Variants in VRK2 observed in about 807,000 individuals in gnomAD.
The protein encoded by VRK2 is serine/threonine-protein kinase VRK2.
VRK2 carries 60 observed loss-of-function variants against 57.6 expected under a neutral mutation model. The ratio of observed to expected loss-of-function variants is 1.04; its 90% CI spans 0.85 to 1.29. VRK2 has a LOEUF of 1.29. Ranked by LOEUF, VRK2 falls within the 50% of genes most tolerant of loss-of-function variation. The probability of loss-of-function intolerance (pLI) is 0.00; values close to 1 mark genes in which losing one functional copy is unlikely to be tolerated. For synonymous variants in VRK2, 231 were observed against 199.2 expected (o/e 1.16, Z -1.35); for missense variants, 705 against 588.1 (o/e 1.20, Z -2.06).
Position 58,137,182 on chromosome 2 carries a change from C to CATATATATCATATATCATGTATCAT in VRK2, c.856+1989_856+1990insATCATATATCATGTATCATATATAT. Among the ~76,000 whole-genome samples the CATATATATCATATATCATGTATCAT allele has an allele frequency of 1.1e-4, 4 of 35,108 alleles. 1 individual carries two copies. Among genetic ancestry groups the CATATATATCATATATCATGTATCAT allele is most frequent in the African/African-American group, 6.4e-4 (4 of 6,286 alleles). The allele number at this position is 35,108 out of a possible 152,430, so 23.0% of individuals were successfully genotyped here. ...TATATATATCATATATCATATATAT[C>CATATATATCATATATCATGTATCAT]ATATATGATACATATATATCTCATA... On this transcript the variant is annotated intron_variant, in intron 10 of 12. Coordinates refer to ENST00000340157, the MANE Select transcript of VRK2 (RefSeq NM_006296.7).
chr2:58,084,910 A>C lies in VRK2; in HGVS notation c.216A>C (p.Ser72=). ...VEYQENGPLF[S]ELKFYQRVAK... ...ATCAAGAAAATGGCCCGTTATTTTC[A>C]GAACTTAAATTTTATCAGAGAGTTG... Residue 72 remains serine, a synonymous_variant, in exon 4 of 13, where the codon TCA becomes TCC. Transcript: ENST00000340157. 6.3e-7 allele frequency: 1 copy of C among 1,588,464 alleles called. No individual in the cohort carries two copies. Among genetic ancestry groups the C allele is most frequent in the Non-Finnish European group, 8.6e-7 (1 of 1,168,906 alleles).
chr2:58,019,170 C>T (rs1673672334), intron 1 of VRK2, among the ~76,000 whole-genome samples: 1 of 152,192 alleles, frequency 6.6e-6, no homozygotes, highest in Non-Finnish European at 1.5e-5. Context: ...GTGGAATTAA[C>T]TGCTGAATAA....
chr2:57,975,852 A>T (rs1672236404), intron 1 of VRK2, among the ~76,000 whole-genome samples: 1 of 151,798 alleles, frequency 6.6e-6, no homozygotes, highest in Non-Finnish European at 1.5e-5. Flanking sequence ...TGATATGCAA[A>T]TGATTTCTTC....
intron 1 of VRK2, among the ~76,000 whole-genome samples, chr2:57,980,499 T>A (rs1159359503): frequency 1.3e-5 from 2 of 152,126 alleles, no homozygotes; most frequent in Non-Finnish European, 2.9e-5. Context: ...GATGAAAAAA[T>A]ATATATAAAT....
intron 7 of VRK2, among the ~76,000 whole-genome samples, chr2:58,091,389 C>T (rs969463168): frequency 3.3e-5 from 5 of 151,948 alleles, no homozygotes; most frequent in Admixed American, 3.3e-4. Flanking sequence ...CCTAAAACTT[C>T]TCTAAAAAAT....
At chr2:58,038,619 T>C (rs1225945980) in intron 3 of VRK2, among the ~76,000 whole-genome samples, 1 of 152,130 alleles carries the variant, frequency 6.6e-6, no homozygotes, top group African/African-American at 2.4e-5. Context: ...CAGTCTCTGT[T>C]CCATAGTTTA....
At chr2:58,041,218 C>G (rs183716172) in intron 3 of VRK2, 88 of 258,768 alleles carry the variant, frequency 3.4e-4, no homozygotes, top group African/African-American at 1.8e-3. Flanking sequence ...GAGAGATAAT[C>G]TGATACATAT....
intron 7 of VRK2, among the ~76,000 whole-genome samples, chr2:58,120,184 C>CTTTTTTTTTTTG (rs1677222700): frequency 1.9e-5 from 1 of 51,988 alleles, no homozygotes; most frequent in African/African-American, 1.0e-4. Flanking sequence ...TTTTTCTTTT[C>CTTTTTTTTTTTG]TTTTTTTTTT....
At chr2:58,121,093 A>G (rs1313747932) in intron 7 of VRK2, among the ~76,000 whole-genome samples, 1 of 152,172 alleles carries the variant, frequency 6.6e-6, no homozygotes, top group Non-Finnish European at 1.5e-5. Flanking sequence ...TCCTGACTTC[A>G]TTTTACTACA....
intron 3 of VRK2, among the ~76,000 whole-genome samples, chr2:58,037,683 G>C (rs1558553093): frequency 6.6e-6 from 1 of 152,024 alleles, no homozygotes; most frequent in Non-Finnish European, 1.5e-5. Context: ...ACTATGCTAG[G>C]TTCTTTGCCA....
intron 8 of VRK2, 152 bp downstream of exon 8, chr2:58,123,385 C>T (rs1408696637): frequency 6.5e-6 from 6 of 924,422 alleles, no homozygotes; most frequent in Non-Finnish European, 9.1e-6. Flanking sequence ...TCCTGTTATG[C>T]CAATGAATAT....
chr2:58,118,958 T>A (rs1302834549), intron 7 of VRK2, among the ~76,000 whole-genome samples: 1 of 152,124 alleles, frequency 6.6e-6, no homozygotes, highest in Non-Finnish European at 1.5e-5. Flanking sequence ...ACAGGGTTAA[T>A]CACTCAGTTA....
chr2:58,019,086 C>A (rs1673670190), intron 1 of VRK2, among the ~76,000 whole-genome samples: 1 of 152,164 alleles, frequency 6.6e-6, no homozygotes, highest in Admixed American at 6.5e-5. Context: ...GAACTCATAG[C>A]AAGCAAGGAC....
At chr2:58,125,021 A>G (rs995273624) in intron 8 of VRK2, among the ~76,000 whole-genome samples, 3 of 152,154 alleles carry the variant, frequency 2.0e-5, no homozygotes, top group African/African-American at 7.2e-5. Flanking sequence ...TAAATATTTT[A>G]TTCTGTTACA....
At chr2:58,119,777 A>G (rs1677144823) in intron 7 of VRK2, among the ~76,000 whole-genome samples, 1 of 151,338 alleles carries the variant, frequency 6.6e-6, no homozygotes, top group South Asian at 2.1e-4. Flanking sequence ...ATTATTTTAT[A>G]TTTATATTTA....
intron 1 of VRK2, among the ~76,000 whole-genome samples, chr2:57,981,346 T>G (rs1672417432): frequency 6.6e-6 from 1 of 152,146 alleles, no homozygotes; most frequent in Non-Finnish European, 1.5e-5. Context: ...CTACCCTGGG[T>G]GGGTGGAATG....
intron 1 of VRK2, among the ~76,000 whole-genome samples, chr2:57,990,831 A>G (rs1245770607): frequency 6.7e-6 from 1 of 148,648 alleles, no homozygotes; most frequent in African/African-American, 2.5e-5. Context: ...TTATTTTCCC[A>G]TTATGATAGT....
intron 1 of VRK2, among the ~76,000 whole-genome samples, chr2:57,920,025 C>T (rs1282918898): frequency 6.6e-6 from 1 of 152,072 alleles, no homozygotes. Flanking sequence ...TTATGATAAA[C>T]TCAGTTGCCG....
At chr2:58,103,342 A>G (rs375355636) in intron 7 of VRK2, among the ~76,000 whole-genome samples, 2 of 151,710 alleles carry the variant, frequency 1.3e-5, no homozygotes, top group East Asian at 3.9e-4. Context: ...CTAAATTGAT[A>G]AACTACTGGC....
Sources: allele counts gnomAD v4.1 joint callset (sites outside exome capture counted in the v4.1 genomes callset), GRCh38; gene constraint gnomAD v4.1.1; transcripts MANE v1.5; gene names NCBI Gene and HGNC (gene_info 2026-07-23, HGNC 2026-07-21).